Variants in STK39 observed in about 807,000 individuals in gnomAD.
The protein encoded by STK39 is STE20/SPS1-related proline-alanine-rich protein kinase.
Under a neutral mutation model 77.8 loss-of-function variants are expected in STK39, and 20 were observed. That is an observed-to-expected ratio of 0.26 (90% CI 0.18 to 0.37). STK39 has a LOEUF of 0.37. Among genes scored for constraint, STK39 ranks in the 10% least tolerant of loss-of-function variants. STK39 has a pLI of 1.00. For synonymous variants in STK39, 246 were observed against 234.1 expected, an observed-to-expected ratio of 1.05 and a Z score of -0.47; for missense variants, 479 against 656.5, an observed-to-expected ratio of 0.73 and a Z score of 2.95.
intron 14 of STK39, among the ~76,000 whole-genome samples, chr2:168,049,720 T>C (rs1365808030): frequency 6.6e-5 from 10 of 152,244 alleles, no homozygotes; most frequent in Non-Finnish European, 1.5e-4. Flanking sequence ...CTATCCATAA[T>C]AGTAACTATG....
Position 168,182,230 on chromosome 2 carries a change from T to TA in STK39, c.209-141dup, listed in dbSNP as rs1321042192. On this transcript the variant is annotated intron_variant, in intron 1 of 17. Transcript: ENST00000355999. ...ACATTACCATTTGACATCTTTTTTT[T>TA]AAAGAGTTTCTTAAATCCTAAAATA... 4.8e-6 allele frequency: 3 copies of TA among 619,324 alleles called. No individual in the cohort carries two copies. The African/African-American group carries it at 5.6e-5, about 11-fold the overall frequency. The allele number at this position is 619,324 out of a possible 1,614,324, so 38.4% of individuals were successfully genotyped here. A position where few individuals can be genotyped will look rare whatever the true frequency, so the allele number is the denominator to read the frequency against.
chr2:168,247,061 TAAAAAAAAAAAA>T (rs755613797), intron 1 of STK39, among the ~76,000 whole-genome samples, 155 bp downstream of exon 1: 23 of 89,294 alleles, frequency 2.6e-4, no homozygotes, highest in Admixed American at 6.2e-4. Flanking sequence ...CATTAAAAAT[TAAAAAAAAAAAA>T]AAAAAAAAAA....
intron 16 of STK39, among the ~76,000 whole-genome samples, chr2:168,004,398 T>C (rs942230876): frequency 1.3e-5 from 2 of 152,092 alleles, no homozygotes; most frequent in African/African-American, 4.8e-5. Context: ...GATGATGAAA[T>C]GAGCTGAAGG....
intron 1 of STK39, among the ~76,000 whole-genome samples, chr2:168,241,274 C>A (rs529378388): frequency 2.0e-5 from 3 of 152,256 alleles, no homozygotes; most frequent in Non-Finnish European, 4.4e-5. Context: ...TGTCCTCGCA[C>A]TGGCTGGGAC....
intron 16 of STK39, among the ~76,000 whole-genome samples, chr2:167,994,735 T>A (rs932610493): frequency 6.6e-6 from 1 of 152,200 alleles, no homozygotes; most frequent in South Asian, 2.1e-4. Context: ...CTTAGCATAA[T>A]GCTTTCGAGG....
At chr2:167,975,827 G>A (rs779130495) in intron 16 of STK39, among the ~76,000 whole-genome samples, 2 of 152,154 alleles carry the variant, frequency 1.3e-5, no homozygotes, top group Admixed American at 6.5e-5. Flanking sequence ...CTCCATGACC[G>A]CAGAAAGCCG....
chr2:168,236,804 C>T (rs1690623197), intron 1 of STK39, among the ~76,000 whole-genome samples: 1 of 152,030 alleles, frequency 6.6e-6, no homozygotes, highest in African/African-American at 2.4e-5. Context: ...TTCCATTGGT[C>T]TATATCTCTG....
At chr2:168,065,797 G>C (rs766266609) in intron 12 of STK39, among the ~76,000 whole-genome samples, 2 of 152,044 alleles carry the variant, frequency 1.3e-5, no homozygotes, top group Non-Finnish European at 2.9e-5. Flanking sequence ...AAGACGTTGG[G>C]GTTAATAAAA....
chr2:168,203,155 A>G (rs766396149), intron 1 of STK39, among the ~76,000 whole-genome samples: 2 of 152,128 alleles, frequency 1.3e-5, no homozygotes, highest in Non-Finnish European at 2.9e-5. Context: ...ATGTCTCCAG[A>G]CACTGGAAAC....
chr2:168,128,825 C>T (rs1039106005), intron 10 of STK39, among the ~76,000 whole-genome samples: 1 of 152,038 alleles, frequency 6.6e-6, no homozygotes, highest in Non-Finnish European at 1.5e-5. Flanking sequence ...GGGTGAAGAA[C>T]CTCCTTTTTA....
At chr2:168,054,362 T>C (rs985463304) in intron 14 of STK39, among the ~76,000 whole-genome samples, 7 of 152,252 alleles carry the variant, frequency 4.6e-5, no homozygotes, top group Non-Finnish European at 8.8e-5. Context: ...ATCTCCCACA[T>C]GTGAAATTCT....
chr2:168,209,504 C>T (rs1269364261), intron 1 of STK39, among the ~76,000 whole-genome samples: 1 of 151,542 alleles, frequency 6.6e-6, no homozygotes, highest in Non-Finnish European at 1.5e-5. Flanking sequence ...TGGAGAAACC[C>T]CATCTCTACT....
chr2:168,210,388 A>C (rs2105695822), intron 1 of STK39, among the ~76,000 whole-genome samples: 1 of 152,350 alleles, frequency 6.6e-6, no homozygotes, highest in East Asian at 1.9e-4. Context: ...GCTATGAAAG[A>C]AAATATGTTG....
At chr2:168,160,117 T>C (rs928910118) in intron 5 of STK39, among the ~76,000 whole-genome samples, 2 of 152,156 alleles carry the variant, frequency 1.3e-5, no homozygotes, top group Admixed American at 6.5e-5. Flanking sequence ...CTGACAAGAA[T>C]AATGGGATGA....
chr2:168,159,562 G>A (rs1227700452), intron 5 of STK39, among the ~76,000 whole-genome samples: 2 of 152,190 alleles, frequency 1.3e-5, no homozygotes, highest in African/African-American at 2.4e-5. Context: ...TTATATTATA[G>A]TGAACACTTT....
At chr2:168,078,079 T>C (rs1686126297) in intron 10 of STK39, among the ~76,000 whole-genome samples, 1 of 152,200 alleles carries the variant, frequency 6.6e-6, no homozygotes, top group Admixed American at 6.5e-5. Context: ...ATTCTCTATT[T>C]TCTCTGTCAG....
chr2:168,012,094 T>C (rs1200573508), intron 16 of STK39, among the ~76,000 whole-genome samples: 1 of 152,184 alleles, frequency 6.6e-6, no homozygotes, highest in Non-Finnish European at 1.5e-5. Flanking sequence ...TTTGTTATAT[T>C]TCCAATAAAT....
intron 2 of STK39, among the ~76,000 whole-genome samples, chr2:168,176,456 A>G (rs868652699): frequency 2.0e-5 from 3 of 152,226 alleles, no homozygotes; most frequent in African/African-American, 7.2e-5. Context: ...TCATCAAGCC[A>G]CGAAGATATC....
At chr2:168,209,367 T>C (rs539243229) in intron 1 of STK39, among the ~76,000 whole-genome samples, 1 of 152,264 alleles carries the variant, frequency 6.6e-6, no homozygotes, top group African/African-American at 2.4e-5. Context: ...CTTTGAAACC[T>C]TTCTCTTACT....
Sources: allele counts gnomAD v4.1 joint callset (sites outside exome capture counted in the v4.1 genomes callset), GRCh38; gene constraint gnomAD v4.1.1; transcripts MANE v1.5; gene names NCBI Gene and HGNC (gene_info 2026-07-23, HGNC 2026-07-21).